Variants in GRIK1 observed in about 807,000 individuals in gnomAD.
GRIK1 encodes glutamate receptor ionotropic, kainate 1.
GRIK1 carries 69 observed loss-of-function variants against 105.7 expected under a neutral mutation model. The observed-to-expected ratio is 0.65, with a 90% CI of 0.54 to 0.80. GRIK1 has a LOEUF of 0.80. GRIK1 is among the 30% of genes least tolerant of loss of function. The pLI is 0.00. For synonymous variants in GRIK1, 438 were observed against 431.3 expected, an observed-to-expected ratio of 1.02 and a Z score of -0.19; for missense variants, 1,109 against 1,167.3, an observed-to-expected ratio of 0.95 and a Z score of 0.73.
intron 2 of GRIK1, among the ~76,000 whole-genome samples, chr21:29,691,304 C>T (rs2063580708): frequency 6.6e-6 from 1 of 152,186 alleles, no homozygotes; most frequent in African/African-American, 2.4e-5. Context: ...GAGCGAGACT[C>T]TGTTTCAAAA....
intron 3 of GRIK1, among the ~76,000 whole-genome samples, chr21:29,677,125 T>C (rs1260343751): frequency 2.0e-5 from 3 of 152,220 alleles, no homozygotes; most frequent in African/African-American, 7.2e-5. Context: ...GTATAATTTT[T>C]ATTGTTGTAG....
chr21:29,553,788 T>A (rs1333387526), intron 16 of GRIK1: 4 of 960,664 alleles, frequency 4.2e-6, no homozygotes, highest in African/African-American at 1.6e-5. Flanking sequence ...AAAATTTACA[T>A]CACATGAAGC....
At chr21:29,605,419 G>A (rs2061593369) in intron 7 of GRIK1, among the ~76,000 whole-genome samples, 1 of 152,102 alleles carries the variant, frequency 6.6e-6, no homozygotes, top group African/African-American at 2.4e-5. Context: ...TGGCTGCGTA[G>A]TATTCCATGG....
At chr21:29,904,112 C>T (rs1431860533) in intron 1 of GRIK1, among the ~76,000 whole-genome samples, 1 of 151,932 alleles carries the variant, frequency 6.6e-6, no homozygotes, top group African/African-American at 2.4e-5. Flanking sequence ...CATCACACAC[C>T]AGGGCCTGTG....
At position 29,655,069 on chromosome 21, in the gene GRIK1, A is replaced by G. The variant is rs549140296; in HGVS notation, c.727-206T>C. Among the ~76,000 whole-genome samples the G allele has an allele frequency of 3.9e-5, 6 of 152,324 alleles. No homozygotes were observed. In the East Asian group the frequency reaches 1.2e-3, roughly 29 times the overall value. ...CTCCAGCCAACACTATTTCCATTAC[A>G]CACTGCTTGACCTACATCGAAGTAA... On this transcript the variant is annotated intron_variant, in intron 4 of 17. Transcript: ENST00000327783.
chr21:29,549,833 G>A (rs983358795), intron 16 of GRIK1, among the ~76,000 whole-genome samples: 1 of 152,024 alleles, frequency 6.6e-6, no homozygotes, highest in Admixed American at 6.6e-5. Flanking sequence ...TGGGCTGGGC[G>A]CGGAGGCTTA....
chr21:29,710,677 A>G (rs939553792), intron 1 of GRIK1, among the ~76,000 whole-genome samples: 24 of 152,110 alleles, frequency 1.6e-4, no homozygotes, highest in African/African-American at 4.3e-4. Flanking sequence ...AAATCATATT[A>G]TATAACAATT....
intron 4 of GRIK1, among the ~76,000 whole-genome samples, chr21:29,666,448 A>T (rs563181345): frequency 6.6e-6 from 1 of 152,270 alleles, no homozygotes; most frequent in East Asian, 1.9e-4. Context: ...AAAAAAAGAA[A>T]GTAACTTGAT....
At chr21:29,809,812 T>G (rs1246291600) in intron 1 of GRIK1, among the ~76,000 whole-genome samples, 1 of 152,194 alleles carries the variant, frequency 6.6e-6, no homozygotes, top group African/African-American at 2.4e-5. Flanking sequence ...CTTAAACACC[T>G]AGAGGCCATT....
intron 1 of GRIK1, among the ~76,000 whole-genome samples, chr21:29,907,675 G>A (rs962418753): frequency 6.6e-6 from 1 of 152,032 alleles, no homozygotes; most frequent in African/African-American, 2.4e-5. Context: ...GAAAATAAGA[G>A]CTAAACCTGA....
At chr21:29,908,248 A>C (rs952048241) in intron 1 of GRIK1, among the ~76,000 whole-genome samples, 1 of 152,180 alleles carries the variant, frequency 6.6e-6, no homozygotes, top group African/African-American at 2.4e-5. Flanking sequence ...ATATGAAAAT[A>C]ATCATTTTTA....
At chr21:29,850,090 T>A (rs1460645578) in intron 1 of GRIK1, among the ~76,000 whole-genome samples, 1 of 152,244 alleles carries the variant, frequency 6.6e-6, no homozygotes, top group Non-Finnish European at 1.5e-5. Flanking sequence ...CATCCCTTTT[T>A]GGTTCGGTTT....
chr21:29,880,933 G>C (rs146634863), intron 1 of GRIK1, among the ~76,000 whole-genome samples: 31 of 152,256 alleles, frequency 2.0e-4, no homozygotes, highest in African/African-American at 7.5e-4. Flanking sequence ...AAGGCTAGGT[G>C]ATAAGGTGAA....
chr21:29,562,199 G>T (rs1034587917), intron 14 of GRIK1, among the ~76,000 whole-genome samples: 1 of 152,136 alleles, frequency 6.6e-6, no homozygotes, highest in East Asian at 1.9e-4. Context: ...CTGTTTCCAG[G>T]TGTATAAGTT....
At chr21:29,567,732 A>G (rs1449897182) in intron 14 of GRIK1, among the ~76,000 whole-genome samples, 1 of 152,180 alleles carries the variant, frequency 6.6e-6, no homozygotes, top group Admixed American at 6.5e-5. Context: ...ATACTTGCGA[A>G]ATAGGTACAT....
chr21:29,745,674 T>C (rs1187931660), intron 1 of GRIK1, among the ~76,000 whole-genome samples: 1 of 152,268 alleles, frequency 6.6e-6, no homozygotes, highest in East Asian at 1.9e-4. Context: ...CTTTAATTCC[T>C]GGCATTTAGC....
At chr21:29,613,867 C>A (rs1183077363) in intron 7 of GRIK1, among the ~76,000 whole-genome samples, 1 of 152,128 alleles carries the variant, frequency 6.6e-6, no homozygotes, top group Non-Finnish European at 1.5e-5. Flanking sequence ...ACCCTATAAT[C>A]TAGAGGATTT....
At chr21:29,643,804 A>T (rs1246839864) in intron 6 of GRIK1, among the ~76,000 whole-genome samples, 1 of 152,188 alleles carries the variant, frequency 6.6e-6, no homozygotes, top group Non-Finnish European at 1.5e-5. Flanking sequence ...ACATTAGCTC[A>T]TTTGAAATTC....
chr21:29,826,571 G>C (rs1194687554), intron 1 of GRIK1, among the ~76,000 whole-genome samples: 1 of 152,090 alleles, frequency 6.6e-6, no homozygotes. Flanking sequence ...TCTTCCCTCT[G>C]TCTCTAACTT....
Sources: allele counts gnomAD v4.1 joint callset (sites outside exome capture counted in the v4.1 genomes callset), GRCh38; gene constraint gnomAD v4.1.1; transcripts MANE v1.5; gene names NCBI Gene and HGNC (gene_info 2026-07-23, HGNC 2026-07-21).